Variants in MTA3 observed in about 807,000 individuals in gnomAD.
MTA3 encodes metastasis associated 1 family member 3.
In MTA3, 34 loss-of-function variants were observed where a neutral mutation model predicts 83.5. The ratio of observed to expected loss-of-function variants is 0.41; its 90% CI spans 0.31 to 0.54. MTA3 has a LOEUF of 0.54. Ranked by LOEUF, MTA3 falls within the 20% of genes least tolerant of loss-of-function variation. The pLI, the probability that MTA3 is intolerant of heterozygous loss-of-function variation, is 0.33. For synonymous variants in MTA3, 303 were observed against 252.7 expected (o/e 1.20, Z -1.89); for missense variants, 761 against 726.4 (o/e 1.05, Z -0.55).
chr2:42,708,088 TG>T (rs1209674850), intron 13 of MTA3, 34 bp downstream of exon 13: 13 of 1,570,122 alleles, frequency 8.3e-6, no homozygotes, highest in Non-Finnish European at 1.1e-5. Flanking sequence ...AAAAATGGCA[TG>T]TTTTTAAATG....
intron 3 of MTA3, among the ~76,000 whole-genome samples, chr2:42,589,079 T>C (rs1680670681): frequency 6.6e-6 from 1 of 152,166 alleles, no homozygotes; most frequent in South Asian, 2.1e-4. Context: ...ACAAAATATT[T>C]TCATAACAAT....
intron 2 of MTA3, among the ~76,000 whole-genome samples, chr2:42,541,390 C>A (rs1006908540): frequency 1.2e-4 from 19 of 152,178 alleles, no homozygotes; most frequent in Non-Finnish European, 5.9e-5. Flanking sequence ...TGATGATGGG[C>A]AGTGGCAGGA....
At chr2:42,731,571 C>G (rs760671889) in intron 16 of MTA3, among the ~76,000 whole-genome samples, 1 of 152,112 alleles carries the variant, frequency 6.6e-6, no homozygotes, top group African/African-American at 2.4e-5. Context: ...GTGGGAAAGA[C>G]CGACCCCCAT....
At chr2:42,502,007 T>C (rs1205969692) in intron 2 of MTA3, among the ~76,000 whole-genome samples, 2 of 151,990 alleles carry the variant, frequency 1.3e-5, no homozygotes, top group Non-Finnish European at 2.9e-5. Flanking sequence ...AATTTAAATT[T>C]AAAAAAGACC....
intron 2 of MTA3, among the ~76,000 whole-genome samples, chr2:42,573,763 G>A (rs939228286): frequency 2.6e-5 from 4 of 151,970 alleles, no homozygotes; most frequent in Non-Finnish European, 2.9e-5. Flanking sequence ...CACCCGCCTT[G>A]GCCTCCCAAA....
At chr2:42,728,730 A>G (rs1022182861) in intron 16 of MTA3, among the ~76,000 whole-genome samples, 3 of 152,092 alleles carry the variant, frequency 2.0e-5, no homozygotes, top group African/African-American at 4.8e-5. Context: ...ACCTTTCCAT[A>G]TGCCTGTTTG....
intron 9 of MTA3, among the ~76,000 whole-genome samples, chr2:42,686,038 C>T (rs1426591325): frequency 2.0e-5 from 3 of 152,150 alleles, no homozygotes; most frequent in Non-Finnish European, 4.4e-5. Context: ...TCTCCTGGGC[C>T]TCCTCTGCTT....
chr2:42,587,337 G>C (rs1680460384), intron 3 of MTA3, among the ~76,000 whole-genome samples: 1 of 152,100 alleles, frequency 6.6e-6, no homozygotes, highest in Admixed American at 6.6e-5. Flanking sequence ...ACATTTGAAT[G>C]AGCAAACATT....
intron 16 of MTA3, among the ~76,000 whole-genome samples, chr2:42,732,769 A>AT (rs1001498135): frequency 3.3e-5 from 5 of 152,082 alleles, no homozygotes; most frequent in African/African-American, 1.2e-4. Flanking sequence ...CTGCTTAGAA[A>AT]TTTTTTCTGC....
At chr2:42,729,427 A>G (rs1051655708) in intron 16 of MTA3, among the ~76,000 whole-genome samples, 1 of 152,028 alleles carries the variant, frequency 6.6e-6, no homozygotes, top group African/African-American at 2.4e-5. Context: ...AGATTGAAGT[A>G]TTTAATTTAT....
At chr2:42,512,372 A>G (rs914917917) in intron 2 of MTA3, among the ~76,000 whole-genome samples, 8 of 152,168 alleles carry the variant, frequency 5.3e-5, no homozygotes, top group Admixed American at 4.6e-4. Context: ...CCATGCTGCC[A>G]TGTGGCCAAG....
At chr2:42,613,264 C>A (rs1019783361) in intron 4 of MTA3, among the ~76,000 whole-genome samples, 2 of 152,182 alleles carry the variant, frequency 1.3e-5, no homozygotes, top group Non-Finnish European at 2.9e-5. Flanking sequence ...CTTATAAATT[C>A]AGTGAGTTTA....
intron 6 of MTA3, among the ~76,000 whole-genome samples, chr2:42,655,623 G>C (rs1346681883): frequency 2.0e-5 from 3 of 151,872 alleles, no homozygotes; most frequent in African/African-American, 7.3e-5. Context: ...TTTTTTCTGA[G>C]ACAAAGTCTT....
At chr2:42,671,671 T>C (rs1690804761) in intron 8 of MTA3, among the ~76,000 whole-genome samples, 1 of 152,194 alleles carries the variant, frequency 6.6e-6, no homozygotes, top group African/African-American at 2.4e-5. Context: ...TAATTTGCCT[T>C]ATAATTTTTA....
Position 42,756,734 on chromosome 2 carries a change from C to T in MTA3, c.*3335C>T. On this transcript the variant is annotated 3_prime_UTR_variant, in exon 17 of 17. Transcript: ENST00000405094. ...CCATTCCCCCCAGGAAGGCCATGTC[C>T]CAGTTTTCTGTCCACCCCTCCTGTT... The T allele has an allele frequency of 1.0e-6, 1 of 985,488 alleles. No individual in the cohort carries two copies. The highest frequency in any genetic ancestry group is 1.1e-4 in the East Asian group (1 of 8,804). The allele number at this position is 985,488 out of a possible 1,614,324, so 61.0% of individuals were successfully genotyped here.
intron 9 of MTA3, among the ~76,000 whole-genome samples, chr2:42,692,840 T>C (rs1332905085): frequency 6.6e-6 from 1 of 152,206 alleles, no homozygotes; most frequent in Non-Finnish European, 1.5e-5. Context: ...ATGATGCTTG[T>C]AGATGTTCGT....
chr2:42,598,553 C>T (rs577025908), intron 3 of MTA3, among the ~76,000 whole-genome samples: 2 of 152,184 alleles, frequency 1.3e-5, no homozygotes, highest in East Asian at 3.8e-4. Context: ...GGTCACCTAA[C>T]TGGATTAGTA....
chr2:42,642,705 T>G (rs913007134), intron 5 of MTA3, among the ~76,000 whole-genome samples: 2 of 149,972 alleles, frequency 1.3e-5, no homozygotes, highest in Non-Finnish European at 3.0e-5. Flanking sequence ...AGTGCAATGG[T>G]GCAATCTTGG....
chr2:42,695,688 C>T (rs1452993144), intron 9 of MTA3, 77 bp from the exon 10 acceptor site: 2 of 365,362 alleles, frequency 5.5e-6, no homozygotes, highest in African/African-American at 2.7e-5. Context: ...AAGGAAAGTA[C>T]TTTCTATAGT....
Sources: gnomAD v4.1 joint callset for allele counts (sites outside exome capture counted in the v4.1 genomes callset) on GRCh38, gnomAD v4.1.1 for gene constraint, MANE v1.5 for transcripts, NCBI Gene and HGNC (gene_info 2026-07-23, HGNC 2026-07-21) for gene names.